Variants in PRKCB observed in about 807,000 individuals in gnomAD.
PRKCB encodes the protein protein kinase C beta type.
PRKCB carries 13 observed loss-of-function variants against 81.5 expected under a neutral mutation model. The ratio of observed to expected loss-of-function variants is 0.16; its 90% CI spans 0.10 to 0.25. The LOEUF is 0.25. Ranked by LOEUF, PRKCB falls within the 10% of genes least tolerant of loss-of-function variation. PRKCB has a pLI of 1.00. For synonymous variants in PRKCB, 335 were observed against 321.4 expected, an observed-to-expected ratio of 1.04 and a Z score of -0.45; for missense variants, 509 against 875.7, an observed-to-expected ratio of 0.58 and a Z score of 5.29.
chr16:24,162,397 C>A (rs546466545), intron 10 of PRKCB, among the ~76,000 whole-genome samples: 2 of 151,694 alleles, frequency 1.3e-5, no homozygotes, highest in East Asian at 3.9e-4. Context: ...CCTTCCCCTG[C>A]CCCCCACCAA....
chr16:23,945,525 T>C (rs924273373), intron 2 of PRKCB, among the ~76,000 whole-genome samples: 18 of 152,110 alleles, frequency 1.2e-4, no homozygotes, highest in African/African-American at 4.3e-4. Flanking sequence ...AAGTACTGGC[T>C]GAATGAGAAA....
intron 7 of PRKCB, among the ~76,000 whole-genome samples, chr16:24,100,482 A>C (rs1966492078): frequency 6.6e-6 from 1 of 152,136 alleles, no homozygotes; most frequent in African/African-American, 2.4e-5. Flanking sequence ...GGCCTGGTTC[A>C]GGGAGGCCAG....
chr16:23,976,252 C>T (rs752155796), intron 2 of PRKCB, among the ~76,000 whole-genome samples: 1 of 151,994 alleles, frequency 6.6e-6, no homozygotes, highest in Non-Finnish European at 1.5e-5. Flanking sequence ...GAGCCATAAT[C>T]GCACCATTGC....
chr16:24,096,854 T>C (rs1298988888), intron 7 of PRKCB, among the ~76,000 whole-genome samples: 1 of 151,258 alleles, frequency 6.6e-6, no homozygotes, highest in African/African-American at 2.4e-5. Flanking sequence ...TTCTTTAAGA[T>C]AAATTGTCTC....
chr16:23,941,506 A>G (rs1431778563), intron 2 of PRKCB, among the ~76,000 whole-genome samples: 2 of 152,204 alleles, frequency 1.3e-5, no homozygotes, highest in Non-Finnish European at 2.9e-5. Flanking sequence ...AAACAGTCCT[A>G]AATAAAATCT....
intron 9 of PRKCB, chr16:24,151,833 G>A (rs1359027311): frequency 4.4e-6 from 2 of 455,986 alleles, no homozygotes; most frequent in Admixed American, 4.7e-5. Context: ...CTGAGCCTCA[G>A]TGTGTTTATC....
At chr16:24,169,549 T>C (rs1967407293) in intron 10 of PRKCB, among the ~76,000 whole-genome samples, 1 of 152,118 alleles carries the variant, frequency 6.6e-6, no homozygotes, top group South Asian at 2.1e-4. Flanking sequence ...ACAGCCTGTT[T>C]CTCCGCCTGG....
At chr16:23,836,452 G>T in intron 1 of PRKCB, 104 bp downstream of exon 1, 1 of 1,460,464 alleles carries the variant, frequency 6.8e-7, no homozygotes, top group Non-Finnish European at 9.1e-7. Context: ...TCCGCACCCT[G>T]GGACCCCGCG....
chr16:24,141,416 G>A (rs563327072), intron 9 of PRKCB, among the ~76,000 whole-genome samples: 6 of 152,070 alleles, frequency 3.9e-5, no homozygotes, highest in East Asian at 1.9e-4. Flanking sequence ...GGCTGGTCTC[G>A]AACTCCTGGT....
chr16:23,956,073 T>C (rs1964345706), intron 2 of PRKCB, among the ~76,000 whole-genome samples: 1 of 152,198 alleles, frequency 6.6e-6, no homozygotes, highest in South Asian at 2.1e-4. Context: ...TTTATAAATA[T>C]AAGACTTTAT....
At chr16:23,891,015 G>GTATATATATATAA (rs1181606346) in intron 2 of PRKCB, among the ~76,000 whole-genome samples, 2 of 151,300 alleles carry the variant, frequency 1.3e-5, no homozygotes, top group African/African-American at 2.4e-5. Context: ...GTGTGTGTGT[G>GTATATATATATAA]TGTGTGTATA....
intron 2 of PRKCB, among the ~76,000 whole-genome samples, chr16:23,950,700 C>A (rs1429623913): frequency 6.6e-6 from 1 of 152,236 alleles, no homozygotes; most frequent in East Asian, 1.9e-4. Context: ...TTTGGGCCTG[C>A]TGCTGTCTTG....
intron 2 of PRKCB, among the ~76,000 whole-genome samples, chr16:23,919,577 T>C (rs1963794071): frequency 2.0e-5 from 3 of 152,212 alleles, no homozygotes; most frequent in Admixed American, 1.3e-4. Context: ...TAGGATCACA[T>C]TGTTGTGCTA....
chr16:23,910,823 AT>A (rs562988879), intron 2 of PRKCB, among the ~76,000 whole-genome samples: 9 of 151,612 alleles, frequency 5.9e-5, no homozygotes, highest in Non-Finnish European at 7.4e-5. Context: ...GTCGCTCTCC[AT>A]TTTTTTTCTC....
intron 10 of PRKCB, among the ~76,000 whole-genome samples, chr16:24,170,082 A>G (rs1967418166): frequency 6.6e-6 from 1 of 152,144 alleles, no homozygotes; most frequent in African/African-American, 2.4e-5. Context: ...GTGCCCGGCT[A>G]TCTTTTAATA....
intron 4 of PRKCB, among the ~76,000 whole-genome samples, chr16:24,033,886 ACAGAGAGACACGGAGGAGAGAGG>A (rs1965580624): frequency 6.6e-6 from 1 of 152,176 alleles, no homozygotes; most frequent in East Asian, 1.9e-4. Context: ...ATGGAGAGCC[ACAGAGAGACACGGAGGAGAGAGG>A]CAGAGAGACA....
intron 5 of PRKCB, among the ~76,000 whole-genome samples, chr16:24,044,083 G>A (rs1177512284): frequency 3.9e-5 from 6 of 152,032 alleles, no homozygotes; most frequent in East Asian, 1.9e-4. Flanking sequence ...GGCCAGGCGC[G>A]GTGGCTCACA....
chr16:24,113,140 C>T, intron 8 of PRKCB, 71 bp downstream of exon 8: 1 of 1,155,344 alleles, frequency 8.7e-7, no homozygotes, highest in Non-Finnish European at 1.2e-6. Context: ...CCTGCTCCCT[C>T]CTCTTTCTTT....
intron 12 of PRKCB, among the ~76,000 whole-genome samples, chr16:24,178,327 G>A (rs994353020): frequency 2.6e-5 from 4 of 152,148 alleles, no homozygotes; most frequent in South Asian, 4.1e-4. Context: ...GCAGAAATGC[G>A]GATTTATTAC....
Sources: gnomAD v4.1 joint callset for allele counts (sites outside exome capture counted in the v4.1 genomes callset) on GRCh38, gnomAD v4.1.1 for gene constraint, MANE v1.5 for transcripts, NCBI Gene and HGNC (gene_info 2026-07-23, HGNC 2026-07-21) for gene names.